Variants in GABPB1 observed in about 807,000 individuals in gnomAD.
The protein encoded by GABPB1 is GA binding protein transcription factor subunit beta 1.
GABPB1 carries 15 observed loss-of-function variants against 45.9 expected under a neutral mutation model. The ratio of observed to expected loss-of-function variants is 0.33; its 90% confidence interval spans 0.22 to 0.50. GABPB1 has a LOEUF of 0.50. Among genes scored for constraint, GABPB1 ranks in the 20% least tolerant of loss-of-function variants. The pLI, the probability that GABPB1 is intolerant of heterozygous loss-of-function variation, is 0.98. For synonymous variants in GABPB1, 143 were observed against 154.4 expected (o/e 0.93, Z 0.55); for missense variants, 252 against 457.5 (o/e 0.55, Z 4.10).
At chr15:50,284,816 A>G (rs1292283115) in intron 8 of GABPB1, among the ~76,000 whole-genome samples, 1 of 152,206 alleles carries the variant, frequency 6.6e-6, no homozygotes, top group Non-Finnish European at 1.5e-5. Flanking sequence ...AAATTATTAA[A>G]TAATAAGTAT....
chr15:50,339,627 T>A (rs1436876640), intron 1 of GABPB1, among the ~76,000 whole-genome samples: 1 of 152,218 alleles, frequency 6.6e-6, no homozygotes, highest in Admixed American at 6.5e-5. Flanking sequence ...CTTATCAGTG[T>A]CCCTATTATG....
chr15:50,280,291 C>G (rs1416654296), intron 8 of GABPB1, among the ~76,000 whole-genome samples: 1 of 152,120 alleles, frequency 6.6e-6, no homozygotes, highest in Non-Finnish European at 1.5e-5. Flanking sequence ...AAAAGACAAC[C>G]TAGGATGAGT....
At position 50,302,925 on chromosome 15, in the gene GABPB1, T is replaced by G. The variant is rs962716426; in HGVS notation, c.471+4A>C. The G allele has an allele frequency of 6.3e-7, 1 of 1,594,162 alleles. No homozygotes were observed. The highest frequency in any genetic ancestry group is 1.3e-5 in the African/African-American group (1 of 74,162). ...ATTTTCTTAAATTAAAAGCCAAAAG[T>G]TACCTGTAATATCTCTGCTAAATCT... On this transcript the variant is annotated splice_donor_region_variant and intron_variant, in intron 4 of 8. Transcript: ENST00000380877.
intron 1 of GABPB1, chr15:50,352,963 G>A (rs1002216780): frequency 6.6e-6 from 1 of 151,712 alleles, no homozygotes; most frequent in Non-Finnish European, 1.5e-5. Flanking sequence ...CTAAGGATAT[G>A]TCTCTGCAAA....
At chr15:50,346,377 T>C (rs573692690) in intron 1 of GABPB1, 2 of 152,264 alleles carry the variant, frequency 1.3e-5, no homozygotes, top group Non-Finnish European at 2.9e-5. Flanking sequence ...CTCACCTTCC[T>C]CCACAAATAT....
chr15:50,312,864 CTTTT>C (rs954354774), intron 1 of GABPB1, among the ~76,000 whole-genome samples: 5 of 151,802 alleles, frequency 3.3e-5, no homozygotes, highest in African/African-American at 9.7e-5. Context: ...GGTTGTCTGT[CTTTT>C]TTTTATTGAT....
chr15:50,321,346 A>G (rs1347615004), intron 1 of GABPB1, among the ~76,000 whole-genome samples: 1 of 152,174 alleles, frequency 6.6e-6, no homozygotes, highest in Non-Finnish European at 1.5e-5. Flanking sequence ...GAGAACCTTG[A>G]TCTCAGAGCT....
intron 2 of GABPB1, among the ~76,000 whole-genome samples, chr15:50,308,214 A>G (rs2047011463): frequency 2.0e-5 from 3 of 152,212 alleles, no homozygotes; most frequent in African/African-American, 7.2e-5. Context: ...GAAGCCTGGG[A>G]TGAAGGCAGG....
rs555675520 is a variant in GABPB1, at chr15:50,303,767, TAAG to T, written c.276+196_276+198del. Among the ~76,000 whole-genome samples the T allele has an allele frequency of 3.0e-3, 463 of 152,010 alleles. 5 individuals are homozygous for T. The highest frequency in any genetic ancestry group is 0.011 in the African/African-American group (447 of 41,496). Reference sequence around the variant, plus strand: ...CAAGAAATCAATTAGCTGATTTAACTAAGAATATACCTAAATGAAGTTTTGTCC... The same window carrying T: ...CAAGAAATCAATTAGCTGATTTAACTAATATACCTAAATGAAGTTTTGTCC... On this transcript the variant is annotated intron_variant, in intron 3 of 8. Coordinates refer to ENST00000380877, the MANE Select transcript of GABPB1 (RefSeq NM_016654.5).
intron 1 of GABPB1, among the ~76,000 whole-genome samples, chr15:50,346,894 A>T (rs1346129770): frequency 1.3e-5 from 2 of 149,360 alleles, no homozygotes; most frequent in African/African-American, 4.9e-5. Flanking sequence ...GGTTCAAGCG[A>T]TTCTCCTGCC....
At chr15:50,324,830 A>AG (rs1474740318) in intron 1 of GABPB1, among the ~76,000 whole-genome samples, 1 of 152,104 alleles carries the variant, frequency 6.6e-6, no homozygotes, top group African/African-American at 2.4e-5. Flanking sequence ...TACAGGTGTG[A>AG]GCCACCCCGC....
chr15:50,321,112 C>T (rs1446472552), intron 1 of GABPB1, among the ~76,000 whole-genome samples: 1 of 152,126 alleles, frequency 6.6e-6, no homozygotes, highest in African/African-American at 2.4e-5. Flanking sequence ...ATTATATGAT[C>T]CTGTTTTAAT....
chr15:50,338,101 G>T (rs2048211934), intron 1 of GABPB1, among the ~76,000 whole-genome samples: 1 of 152,176 alleles, frequency 6.6e-6, no homozygotes, highest in Non-Finnish European at 1.5e-5. Context: ...ATGTAGTGGT[G>T]AGATCTTGGC....
At chr15:50,313,479 T>G (rs1347841520) in intron 1 of GABPB1, among the ~76,000 whole-genome samples, 3 of 152,110 alleles carry the variant, frequency 2.0e-5, no homozygotes, top group Non-Finnish European at 4.4e-5. Flanking sequence ...ACCCAATAAG[T>G]GATCCCACTT....
At chr15:50,316,222 C>T (rs1433169657) in intron 1 of GABPB1, among the ~76,000 whole-genome samples, 1 of 152,144 alleles carries the variant, frequency 6.6e-6, no homozygotes, top group Non-Finnish European at 1.5e-5. Context: ...GCTACTTTTG[C>T]TCAAAGTACA....
chr15:50,319,661 C>T (rs902620878), intron 1 of GABPB1, among the ~76,000 whole-genome samples: 1 of 152,032 alleles, frequency 6.6e-6, no homozygotes, highest in East Asian at 1.9e-4. Context: ...CATGATGAAA[C>T]CCCGTCTCTA....
At chr15:50,312,774 A>G (rs1447635285) in intron 1 of GABPB1, among the ~76,000 whole-genome samples, 1 of 152,248 alleles carries the variant, frequency 6.6e-6, no homozygotes, top group East Asian at 1.9e-4. Context: ...CATTCAGCAT[A>G]CATACTGCCA....
chr15:50,346,524 C>T (rs560407870), intron 1 of GABPB1: 1 of 151,646 alleles, frequency 6.6e-6, no homozygotes, highest in Non-Finnish European at 1.5e-5. Context: ...AGCTAAACGT[C>T]TCAGACTGTT....
intron 7 of GABPB1, among the ~76,000 whole-genome samples, chr15:50,287,000 A>G (rs28453939): frequency 0.19 from 28,419 of 152,182 alleles, 2,848 homozygotes; most frequent in Middle Eastern, 0.23. Flanking sequence ...ATAAATGTAA[A>G]TAAAAATTTA....
Sources: gnomAD v4.1 joint callset for allele counts (sites outside exome capture counted in the v4.1 genomes callset) on GRCh38, gnomAD v4.1.1 for gene constraint, MANE v1.5 for transcripts, NCBI Gene and HGNC (gene_info 2026-07-23, HGNC 2026-07-21) for gene names.